RABGAP1: variants seen among roughly 807,000 people sequenced by gnomAD.
The protein encoded by RABGAP1 is RAB GTPase activating protein 1, also known as rab GTPase-activating protein 1.
A neutral mutation model predicts 137.6 loss-of-function variants in RABGAP1; 23 were observed. The ratio of observed to expected loss-of-function variants is 0.17; its 90% CI spans 0.12 to 0.24. The LOEUF (loss-of-function observed/expected upper bound fraction) is 0.24, where lower values mean the gene tolerates loss of function less well. RABGAP1 is among the 10% of genes least tolerant of loss of function. The probability of loss-of-function intolerance (pLI) is 1.00; values close to 1 mark genes in which losing one functional copy is unlikely to be tolerated. For missense variants in RABGAP1, 906 were observed against 1,275.8 expected, an observed-to-expected ratio of 0.71 and a Z score of 4.42; for synonymous variants, 451 against 450.7, an observed-to-expected ratio of 1.00 and a Z score of -0.01.
In RABGAP1 at chr9:123,104,396, T is replaced by C. The variant is rs1489460309; in HGVS notation, c.*1183T>C. ...GCTGTAAGTTCTCACTTCAAAGCTA[T>C]GGAATGGATTTTAGCACCTTTAAAA... On this transcript the variant is annotated 3_prime_UTR_variant, in exon 26 of 26. Transcript: ENST00000373647. The C allele has an allele frequency of 6.9e-6, 1 of 144,484 alleles. No homozygotes were observed. The highest frequency in any genetic ancestry group is 1.5e-5 in the Non-Finnish European group (1 of 66,588). The allele number at this position is 144,484 out of a possible 1,614,324, so 9.0% of individuals were successfully genotyped here.
chr9:123,089,321 C>A (rs1248670018), intron 19 of RABGAP1, among the ~76,000 whole-genome samples: 5 of 152,204 alleles, frequency 3.3e-5, no homozygotes, highest in Non-Finnish European at 5.9e-5. Context: ...GTTACATAAC[C>A]AACCTCCTTA....
Position 123,070,453 on chromosome 9 carries a change from A to C in RABGAP1, c.1983+29A>C. 1 of 1,613,780 alleles carries C rather than the reference A, an allele frequency of 6.2e-7. No homozygotes were observed. The highest frequency in any genetic ancestry group is 8.5e-7 in the Non-Finnish European group (1 of 1,179,854). ...AGTAATTAGGTCTCTGTTATGACTT[A>C]ACACATGGCCTCCCTCAGCTTATAC... is the stretch of plus-strand genomic sequence containing the variant. On this transcript the variant is annotated intron_variant, in intron 15 of 25. Coordinates refer to ENST00000373647, the MANE Select transcript of RABGAP1 (RefSeq NM_012197.4). The surrounding 1 kb of genome is among the most constrained non-coding windows in gnomAD (Gnocchi z 4.4).
chr9:123,040,722 C>G (rs1372787425), intron 13 of RABGAP1, among the ~76,000 whole-genome samples: 3 of 152,104 alleles, frequency 2.0e-5, no homozygotes, highest in African/African-American at 7.2e-5. Context: ...GGGAGCCGCT[C>G]ATCTTAGTTT....
intron 21 of RABGAP1, among the ~76,000 whole-genome samples, chr9:123,091,749 T>C (rs931889936): frequency 4.6e-5 from 7 of 152,102 alleles, no homozygotes; most frequent in Non-Finnish European, 1.0e-4. Flanking sequence ...GGAGAATGTT[T>C]CAAGGTCATT....
At chr9:123,100,057 C>G (rs2035294745) in intron 24 of RABGAP1, among the ~76,000 whole-genome samples, 1 of 152,158 alleles carries the variant, frequency 6.6e-6, no homozygotes, top group African/African-American at 2.4e-5. Context: ...ATCCTGGGCT[C>G]AAGCGAAATC....
At chr9:122,967,746 ATTTTTT>A (rs944985963) in intron 2 of RABGAP1, among the ~76,000 whole-genome samples, 1 of 146,918 alleles carries the variant, frequency 6.8e-6, no homozygotes, top group Non-Finnish European at 1.5e-5. Flanking sequence ...CCTGAAAAAA[ATTTTTT>A]TTTTTTTAGA....
At chr9:123,000,717 T>TACAACA (rs1837280720) in intron 10 of RABGAP1, among the ~76,000 whole-genome samples, 1 of 152,176 alleles carries the variant, frequency 6.6e-6, no homozygotes. Context: ...ATTTGCCATG[T>TACAACA]TGTCCAGGCT....
At chr9:123,003,515 T>A (rs1227899068) in intron 10 of RABGAP1, among the ~76,000 whole-genome samples, 1 of 152,220 alleles carries the variant, frequency 6.6e-6, no homozygotes, top group Non-Finnish European at 1.5e-5. Context: ...ACAAAGCAAA[T>A]TTAAGAATAT....
intron 13 of RABGAP1, chr9:123,034,800 T>A: frequency 6.2e-7 from 1 of 1,613,942 alleles, no homozygotes; most frequent in Non-Finnish European, 8.5e-7. Flanking sequence ...ACCTTTTTGT[T>A]GGGGTGAGCT....
intron 2 of RABGAP1, among the ~76,000 whole-genome samples, chr9:122,958,364 C>T (rs935769403): frequency 1.3e-5 from 2 of 152,048 alleles, no homozygotes; most frequent in Non-Finnish European, 2.9e-5. Context: ...GAAATAGACT[C>T]TAAGCAAATA....
rs574680528 is a variant in RABGAP1, at chr9:122,961,763, T to C, written c.150+4554T>C. On this transcript the variant is annotated intron_variant, in intron 2 of 25. Coordinates refer to ENST00000373647, the MANE Select transcript of RABGAP1 (RefSeq NM_012197.4). ...CATAAATCTTAGTATATTTACTGCA[T>C]TTTACTGCAGTACTGTATAGTATGT... 2.3e-3 allele frequency among the ~76,000 whole-genome samples: 344 copies of C among 152,310 alleles called. 2 individuals are homozygous for C. Among genetic ancestry groups the C allele is most frequent in the Non-Finnish European group, 3.8e-3 (260 of 68,018 alleles).
intron 13 of RABGAP1, among the ~76,000 whole-genome samples, chr9:123,059,477 C>A (rs1021327513): frequency 6.6e-6 from 1 of 152,130 alleles, no homozygotes; most frequent in Non-Finnish European, 1.5e-5. Flanking sequence ...ATGGCGTGAA[C>A]CCGGGAGGCG....
At chr9:122,986,603 A>G (rs898247546) in intron 4 of RABGAP1, among the ~76,000 whole-genome samples, 184 bp downstream of exon 4, 2 of 152,144 alleles carry the variant, frequency 1.3e-5, no homozygotes, top group Admixed American at 1.3e-4. Context: ...CTTATTTGTA[A>G]TAGTTTTTCG....
chr9:123,000,926 C>T (rs1412061304), intron 10 of RABGAP1, among the ~76,000 whole-genome samples: 1 of 152,122 alleles, frequency 6.6e-6, no homozygotes, highest in African/African-American at 2.4e-5. Context: ...GCATAAAACC[C>T]TCCAGCCTTG....
At chr9:123,011,868 T>G (rs946025702) in intron 11 of RABGAP1, among the ~76,000 whole-genome samples, 2 of 151,762 alleles carry the variant, frequency 1.3e-5, no homozygotes, top group African/African-American at 2.4e-5. Context: ...GGCAGGAGAG[T>G]TGATTGTACC....
At chr9:122,973,446 C>G (rs1473252575) in intron 2 of RABGAP1, among the ~76,000 whole-genome samples, 3 of 151,958 alleles carry the variant, frequency 2.0e-5, no homozygotes, top group South Asian at 2.1e-4. Flanking sequence ...CCGTGTTAGC[C>G]AGGATGGTCT....
intron 13 of RABGAP1, among the ~76,000 whole-genome samples, chr9:123,053,088 A>G (rs1164298515): frequency 1.3e-5 from 2 of 152,190 alleles, no homozygotes; most frequent in Non-Finnish European, 2.9e-5. Context: ...CATTCCTTAG[A>G]TGGGTTCAGT....
At chr9:122,938,251 G>A (rs981324299), upstream of RABGAP1, 1 of 150,820 alleles carries the variant, frequency 6.6e-6, no homozygotes, top group Admixed American at 6.6e-5. Flanking sequence ...TTACTAGAGT[G>A]ATCTTTAAAA....
intron 13 of RABGAP1, among the ~76,000 whole-genome samples, chr9:123,057,044 A>C (rs1396207490): frequency 7.4e-5 from 10 of 134,258 alleles, no homozygotes; most frequent in South Asian, 2.5e-4. Context: ...ACTTCCCAGT[A>C]GGGGCGGCCG....
Sources: allele counts gnomAD v4.1 joint callset (sites outside exome capture counted in the v4.1 genomes callset), GRCh38; gene constraint gnomAD v4.1.1; non-coding constraint Gnocchi (gnomAD v3.1); transcripts MANE v1.5; gene names NCBI Gene and HGNC (gene_info 2026-07-23, HGNC 2026-07-21).